SNCAIP: variants seen among roughly 807,000 people sequenced by gnomAD.
SNCAIP encodes the protein synphilin-1.
Under a neutral mutation model 86.7 loss-of-function variants are expected in SNCAIP, and 43 were observed. That is an observed-to-expected ratio of 0.50 (90% CI 0.39 to 0.64). SNCAIP has a LOEUF of 0.64. SNCAIP is among the 30% of genes least tolerant of loss of function. The probability of loss-of-function intolerance (pLI) is 0.00; values close to 1 mark genes in which losing one functional copy is unlikely to be tolerated. For missense variants in SNCAIP, 981 were observed against 1,103.1 expected (o/e 0.89, Z 1.57); for synonymous variants, 417 against 427.2 (o/e 0.98, Z 0.29).
chr5:122,368,844 T>C lies in SNCAIP; in HGVS notation c.-46-22245T>C, dbSNP rs181184503. ...GGGTTAGGGGTTTTTAGTCCTACCC[T>C]GGCTGGTCACAAAATCACTGCCTCA... On this transcript the variant is annotated intron_variant, in intron 1 of 10. Coordinates refer to ENST00000261368, the MANE Select transcript of SNCAIP (RefSeq NM_005460.4). Among the ~76,000 whole-genome samples, 128 of 152,320 alleles carry C rather than the reference T, an allele frequency of 8.4e-4. 1 individual carries two copies. The East Asian group carries it at 0.024, about 28-fold the overall frequency.
At chr5:122,378,329 A>T (rs1295076443) in intron 1 of SNCAIP, among the ~76,000 whole-genome samples, 3 of 136,480 alleles carry the variant, frequency 2.2e-5, no homozygotes, top group Admixed American at 1.4e-4. Flanking sequence ...TTGGCTGCAT[A>T]AATGTCTTCT....
intron 1 of SNCAIP, among the ~76,000 whole-genome samples, chr5:122,381,831 G>T (rs1211685575): frequency 1.3e-5 from 2 of 152,038 alleles, no homozygotes; most frequent in African/African-American, 4.8e-5. Context: ...GAAATTCTGG[G>T]TTGAAAATTC....
At chr5:122,414,932 G>A (rs1774987748) in intron 3 of SNCAIP, among the ~76,000 whole-genome samples, 1 of 152,140 alleles carries the variant, frequency 6.6e-6, no homozygotes, top group Non-Finnish European at 1.5e-5. Flanking sequence ...TCATACACTT[G>A]CCTTGTACTC....
intron 1 of SNCAIP, among the ~76,000 whole-genome samples, chr5:122,329,375 C>G (rs533053223): frequency 6.6e-6 from 1 of 152,216 alleles, no homozygotes; most frequent in Non-Finnish European, 1.5e-5. Flanking sequence ...ATAATACTCC[C>G]TCTCTTGAAC....
At chr5:122,325,350 G>A (rs1019765192) in intron 1 of SNCAIP, among the ~76,000 whole-genome samples, 9 of 151,972 alleles carry the variant, frequency 5.9e-5, no homozygotes, top group Non-Finnish European at 1.5e-5. Context: ...TTATTCCCTG[G>A]GCTCCCATCT....
intron 10 of SNCAIP, among the ~76,000 whole-genome samples, chr5:122,456,306 A>G (rs1480839836): frequency 1.3e-5 from 2 of 152,204 alleles, no homozygotes; most frequent in African/African-American, 2.4e-5. Context: ...AATATTTTGC[A>G]TAGATCTTAA....
At chr5:122,401,619 T>G (rs186741662) in intron 2 of SNCAIP, among the ~76,000 whole-genome samples, 2 of 152,322 alleles carry the variant, frequency 1.3e-5, no homozygotes, top group African/African-American at 4.8e-5. Context: ...GCAAATGATA[T>G]TTTCTTCACA....
At chr5:122,340,430 G>A (rs1757329488) in intron 1 of SNCAIP, among the ~76,000 whole-genome samples, 1 of 152,122 alleles carries the variant, frequency 6.6e-6, no homozygotes, top group Admixed American at 6.5e-5. Context: ...TGGTAGTTGG[G>A]AATGGGAATA....
intron 10 of SNCAIP, among the ~76,000 whole-genome samples, chr5:122,457,010 T>C (rs1013826207): frequency 5.3e-5 from 8 of 151,938 alleles, no homozygotes; most frequent in African/African-American, 1.9e-4. Flanking sequence ...TTTTGTTTTG[T>C]TTTGTTTTTG....
Position 122,342,311 on chromosome 5 carries a change from C to T in SNCAIP, c.-47+30027C>T, listed in dbSNP as rs899566055. Among the ~76,000 whole-genome samples, 3 of 152,018 alleles carry T rather than the reference C, an allele frequency of 2.0e-5. No individual in the cohort carries two copies. In the South Asian group the frequency reaches 6.2e-4, roughly 32 times the overall value. ...AATGGAAGAGTGGAACCAGCAACTC[C>T]GTTTATCCCATGGAGTCACTGCTCC... On this transcript the variant is annotated intron_variant, in intron 1 of 10. Coordinates refer to ENST00000261368, the MANE Select transcript of SNCAIP (RefSeq NM_005460.4).
intron 2 of SNCAIP, chr5:122,401,000 A>G: frequency 6.5e-7 from 1 of 1,550,092 alleles, no homozygotes; most frequent in Non-Finnish European, 8.7e-7. Flanking sequence ...ATAGGAGTCA[A>G]GGGAACAGGC....
intron 1 of SNCAIP, among the ~76,000 whole-genome samples, chr5:122,330,364 G>A (rs1024511755): frequency 1.3e-5 from 2 of 151,740 alleles, no homozygotes; most frequent in African/African-American, 4.8e-5. Context: ...CTCGTGATCC[G>A]CCTGCCTCGG....
At chr5:122,318,906 C>T (rs1288464370) in intron 1 of SNCAIP, among the ~76,000 whole-genome samples, 2 of 148,936 alleles carry the variant, frequency 1.3e-5, no homozygotes, top group African/African-American at 4.9e-5. Flanking sequence ...AGATGCCTTA[C>T]AATTACTTTC....
intron 1 of SNCAIP, among the ~76,000 whole-genome samples, chr5:122,375,457 TTAG>T (rs200836926): frequency 0.012 from 1,769 of 151,890 alleles, 28 homozygotes; most frequent in African/African-American, 0.039. Flanking sequence ...AAGCAAATTC[TTAG>T]TAGATTTTTG....
At chr5:122,314,402 A>C (rs1751280563) in intron 1 of SNCAIP, among the ~76,000 whole-genome samples, 1 of 152,230 alleles carries the variant, frequency 6.6e-6, no homozygotes, top group Non-Finnish European at 1.5e-5. Flanking sequence ...TAAATGCAAA[A>C]TCTAATTGAA....
chr5:122,421,704 A>G (rs1257817898), intron 3 of SNCAIP, among the ~76,000 whole-genome samples: 1 of 152,172 alleles, frequency 6.6e-6, no homozygotes, highest in Non-Finnish European at 1.5e-5. Flanking sequence ...TAGGAACTAC[A>G]TGGCAGGGAA....
chr5:122,390,598 T>A (rs928193435), intron 1 of SNCAIP, among the ~76,000 whole-genome samples: 4 of 152,192 alleles, frequency 2.6e-5, no homozygotes, highest in Non-Finnish European at 4.4e-5. Context: ...TCCATTACTC[T>A]TGGTTAGTGG....
At chr5:122,459,075 A>C (rs1428240109) in intron 10 of SNCAIP, among the ~76,000 whole-genome samples, 3 of 152,212 alleles carry the variant, frequency 2.0e-5, no homozygotes, top group African/African-American at 7.2e-5. Context: ...CCTTCTGGTC[A>C]CAAGTCCACC....
At chr5:122,383,113 G>A (rs1217085985) in intron 1 of SNCAIP, among the ~76,000 whole-genome samples, 1 of 152,206 alleles carries the variant, frequency 6.6e-6, no homozygotes, top group Non-Finnish European at 1.5e-5. Context: ...AGCAAGCCTG[G>A]GCAATGGCAG....
Sources: allele counts gnomAD v4.1 joint callset (sites outside exome capture counted in the v4.1 genomes callset), GRCh38; gene constraint gnomAD v4.1.1; transcripts MANE v1.5; gene names NCBI Gene and HGNC (gene_info 2026-07-23, HGNC 2026-07-21).